ORC3: variants seen among roughly 807,000 people sequenced by gnomAD.
The protein encoded by ORC3 is homolog of latheo, Drosophila.
A neutral mutation model predicts 100.7 loss-of-function variants in ORC3; 78 were observed. The ratio of observed to expected loss-of-function variants is 0.77; its 90% CI spans 0.65 to 0.94. ORC3 has a LOEUF of 0.94. Ranked by LOEUF, ORC3 falls within the 40% of genes least tolerant of loss-of-function variation. The pLI, the probability that ORC3 is intolerant of heterozygous loss-of-function variation, is 0.00. For missense variants in ORC3, 789 were observed against 823.9 expected (o/e 0.96, Z 0.52); for synonymous variants, 295 against 289.3 (o/e 1.02, Z -0.20).
At chr6:87,642,023 C>G (rs79060597) in intron 13 of ORC3, among the ~76,000 whole-genome samples, 1 of 152,122 alleles carries the variant, frequency 6.6e-6, no homozygotes, top group Non-Finnish European at 1.5e-5. Context: ...CTGGCAGGCA[C>G]GGTGGCTCAC....
At chr6:87,644,076 GTCC>G (rs1441214997) in intron 13 of ORC3, among the ~76,000 whole-genome samples, 6,481 of 99,592 alleles carry the variant, frequency 0.065, 579 homozygotes, top group Middle Eastern at 0.11. Flanking sequence ...ATGGCTGACT[GTCC>G]TTTTTTTTTT....
rs1778114379 is a variant in ORC3 at position 87,603,452 on chromosome 6, T to G, written c.246T>G (p.Ser82=). The change falls in exon 4 of 20, where the codon TCT becomes TCG. Residue 82 remains serine, a synonymous_variant. Coordinates refer to ENST00000392844, the MANE Select transcript of ORC3 (RefSeq NM_012381.4). Reference sequence around the variant, plus strand: ...TTGAATTTCTGCAAAAATCACATTCTGGATTCCAGAAGAATTCAAGAGACT... The same window carrying G: ...TTGAATTTCTGCAAAAATCACATTCGGGATTCCAGAAGAATTCAAGAGACT... ...NLIEFLQKSH[S]GFQKNSRDLG... is the part of the protein sequence containing the mutation. 6.5e-7 allele frequency: 1 copy of G among 1,533,468 alleles called. No homozygotes were observed. Among genetic ancestry groups the G allele is most frequent in the African/African-American group, 1.3e-5 (1 of 74,240 alleles). The allele number at this position is 1,533,468 out of a possible 1,614,324, so 95.0% of individuals were successfully genotyped here. A position where few individuals can be genotyped will look rare whatever the true frequency, so the allele number is the denominator to read the frequency against.
chr6:87,648,577 G>C (rs142505449), intron 13 of ORC3, among the ~76,000 whole-genome samples: 194 of 152,262 alleles, frequency 1.3e-3, no homozygotes, highest in African/African-American at 3.9e-3. Context: ...CCCCAGCTTT[G>C]CCAATTACCA....
chr6:87,671,282 A>G (rs1439035728), downstream of ORC3, among the ~76,000 whole-genome samples: 1 of 152,140 alleles, frequency 6.6e-6, no homozygotes, highest in Non-Finnish European at 1.5e-5. Flanking sequence ...AGTGTCTTGG[A>G]TTAGGGTAAT....
intron 1 of ORC3, among the ~76,000 whole-genome samples, chr6:87,592,832 G>T (rs1777134366): frequency 6.6e-6 from 1 of 152,156 alleles, no homozygotes; most frequent in South Asian, 2.1e-4. Context: ...AGTGGCTCAT[G>T]CCTCTAATCC....
intron 13 of ORC3, among the ~76,000 whole-genome samples, chr6:87,643,478 CTT>C (rs1768443383): frequency 6.6e-6 from 1 of 151,356 alleles, no homozygotes; most frequent in African/African-American, 2.4e-5. Flanking sequence ...AAGGAAAAGT[CTT>C]TATTTGTGGA....
chr6:87,610,046 TAATG>T (rs1412085336), intron 7 of ORC3, among the ~76,000 whole-genome samples: 2 of 152,162 alleles, frequency 1.3e-5, no homozygotes, highest in Admixed American at 6.5e-5. Flanking sequence ...AGAATTGAAA[TAATG>T]AACTCTTATT....
At chr6:87,632,590 C>G (rs549359284) in intron 11 of ORC3, among the ~76,000 whole-genome samples, 2 of 152,070 alleles carry the variant, frequency 1.3e-5, no homozygotes, top group Non-Finnish European at 2.9e-5. Context: ...AGGCCAGTCA[C>G]GGTGGCTCAC....
intron 13 of ORC3, among the ~76,000 whole-genome samples, chr6:87,651,960 G>A (rs370633068): frequency 5.3e-5 from 8 of 149,804 alleles, no homozygotes; most frequent in East Asian, 2.0e-4. Context: ...GTGCAGTGTC[G>A]TGATCTCAGC....
At chr6:87,677,008 T>C in the ORC3 span, among the ~76,000 whole-genome samples, 1 of 142,124 alleles carries the variant, frequency 7.0e-6, no homozygotes, top group African/African-American at 2.7e-5. Context: ...ACCCGGAAAG[T>C]AGAGCTTGCA....
rs371874111 is a variant in ORC3, at chr6:87,601,836, C to A, written c.132C>A (p.Phe44Leu). 68 of 1,611,490 alleles carry A rather than the reference C, an allele frequency of 4.2e-5. No individual in the cohort carries two copies. The highest frequency in any genetic ancestry group is 4.1e-5 in the Non-Finnish European group (48 of 1,177,794). Residue 44 changes from phenylalanine to leucine, a missense_variant, in exon 3 of 20, where the codon TTC (phenylalanine) becomes TTA (leucine). Around this residue, in one of 3 missense-constraint regions of ORC3, gnomAD observed 399 missense variants for 382.0 expected, o/e 1.04. Transcript: ENST00000392844. The stretch of plus-strand genomic sequence containing the variant: ...AGCCTGAGGACAGTAAGCTTCGATT[C>A]GAAACTTATCAGTTGATATGGCAGC... ...KNEPEDSKLRFETYQLIWQQM... is the reference protein window; with the variant it reads ...KNEPEDSKLRLETYQLIWQQM...
intron 7 of ORC3, among the ~76,000 whole-genome samples, chr6:87,610,954 T>TTG (rs1778717166): frequency 6.7e-6 from 1 of 148,436 alleles, no homozygotes; most frequent in African/African-American, 2.5e-5. Flanking sequence ...TTTTTTTTTT[T>TTG]GAGACAGGGT....
Position 87,645,984 on chromosome 6 carries a change from C to CTT in ORC3, c.1383-7123_1383-7122dup, listed in dbSNP as rs747686139. On this transcript the variant is annotated intron_variant, in intron 13 of 19. Coordinates refer to ENST00000392844, the MANE Select transcript of ORC3 (RefSeq NM_012381.4). ...GTGAAATAATTTTTTCTTTTTTTTT[C>CTT]TTTTTTTTTTCTTTTTTTTTGAGGC... is the stretch of plus-strand genomic sequence containing the variant. 2.7e-3 allele frequency among the ~76,000 whole-genome samples: 339 copies of CTT among 126,964 alleles called. 19 individuals are homozygous for CTT. Among genetic ancestry groups the CTT allele is most frequent in the African/African-American group, 7.9e-3 (258 of 32,464 alleles). The allele number at this position is 126,964 out of a possible 152,430, so 83.3% of individuals were successfully genotyped here.
At chr6:87,609,653 C>G (rs1333324606) in intron 7 of ORC3, 1 of 152,492 alleles carries the variant, frequency 6.6e-6, no homozygotes, top group African/African-American at 2.4e-5. Context: ...CTCCTGGGTT[C>G]AAGCAATTCT....
intron 16 of ORC3, 33 bp downstream of exon 16, chr6:87,658,051 A>G: frequency 2.6e-6 from 3 of 1,156,904 alleles, no homozygotes; most frequent in Non-Finnish European, 3.9e-6. Flanking sequence ...AGAGCTAAAA[A>G]TCATGCTGTT....
chr6:87,670,656 T>A (rs1582107919), downstream of ORC3, among the ~76,000 whole-genome samples: 1 of 152,208 alleles, frequency 6.6e-6, no homozygotes, highest in East Asian at 1.9e-4. Context: ...TATTCTGCCT[T>A]ACTAAATCTT....
At chr6:87,615,712 A>C (rs776068212) in intron 8 of ORC3, among the ~76,000 whole-genome samples, 4 of 152,226 alleles carry the variant, frequency 2.6e-5, no homozygotes, top group Non-Finnish European at 4.4e-5. Context: ...AGAAAACAAA[A>C]AACTTGGTTA....
chr6:87,662,931 A>AT, intron 16 of ORC3, 72 bp from the exon 17 acceptor site: 1 of 975,012 alleles, frequency 1.0e-6, no homozygotes, highest in Non-Finnish European at 1.4e-6. Flanking sequence ...TAAAGGAAAA[A>AT]ATATATATAT....
chr6:87,619,292 A>G (rs1172585079), intron 9 of ORC3, among the ~76,000 whole-genome samples: 1 of 152,236 alleles, frequency 6.6e-6, no homozygotes, highest in Non-Finnish European at 1.5e-5. Flanking sequence ...TCAGGGTCTC[A>G]GTTTTCTCAT....
Sources: gnomAD v4.1 joint callset for allele counts (sites outside exome capture counted in the v4.1 genomes callset) on GRCh38, gnomAD v4.1.1 for gene constraint, gnomAD v4.1.1 regional missense constraint, MANE v1.5 for transcripts, NCBI Gene and HGNC (gene_info 2026-07-23, HGNC 2026-07-21) for gene names.